WDFY3: variants seen among roughly 807,000 people sequenced by gnomAD.
WDFY3 encodes the protein WD repeat and FYVE domain-containing protein 3.
WDFY3 carries 66 observed loss-of-function variants against 409.6 expected under a neutral mutation model. The ratio of observed to expected loss-of-function variants is 0.16; its 90% CI spans 0.13 to 0.20. The LOEUF is 0.20. Among genes scored for constraint, WDFY3 ranks in the 10% least tolerant of loss-of-function variants. The probability of loss-of-function intolerance (pLI) is 1.00; values close to 1 mark genes in which losing one functional copy is unlikely to be tolerated. For synonymous variants in WDFY3, 1,521 were observed against 1,537.1 expected (o/e 0.99, Z 0.25); for missense variants, 3,031 against 4,298.1 (o/e 0.71, Z 8.24).
At chr4:84,787,783 A>G in intron 22 of WDFY3, 70 bp from the exon 23 acceptor site, 1 of 1,307,200 alleles carries the variant, frequency 7.6e-7, no homozygotes, top group Non-Finnish European at 1.1e-6. Flanking sequence ...ACTTCAGCAT[A>G]TGTATTTTCA....
At chr4:84,723,289 G>A (rs1337230966) in intron 46 of WDFY3, among the ~76,000 whole-genome samples, 2 of 152,140 alleles carry the variant, frequency 1.3e-5, no homozygotes, top group Non-Finnish European at 2.9e-5. Flanking sequence ...TGAGAGAACA[G>A]GTATGTCATA....
At chr4:84,726,049 T>C (rs777539887) in intron 45 of WDFY3, among the ~76,000 whole-genome samples, 25 of 152,152 alleles carry the variant, frequency 1.6e-4, no homozygotes, top group Non-Finnish European at 3.2e-4. Context: ...ACAAGAACAC[T>C]GCACTATTTT....
At chr4:84,746,194 G>T (rs1333289560) in intron 36 of WDFY3, among the ~76,000 whole-genome samples, 1 of 151,330 alleles carries the variant, frequency 6.6e-6, no homozygotes, top group Admixed American at 6.6e-5. Context: ...GTGTGTGCCG[G>T]TAGTCATAGC....
At position 84,671,113 on chromosome 4, in the gene WDFY3, G is replaced by A. The variant is rs1725379733; in HGVS notation, c.*1755C>T. Reference sequence around the variant, plus strand: ...TAAAGCAGCCTTTCTATTTTCTCTTGGAGACCTAGTTATCATATCAGGAAG... The same window carrying A: ...TAAAGCAGCCTTTCTATTTTCTCTTAGAGACCTAGTTATCATATCAGGAAG... On this transcript the variant is annotated 3_prime_UTR_variant, in exon 68 of 68. Transcript: ENST00000295888. The A allele has an allele frequency of 6.6e-6, 1 of 152,526 alleles. No homozygotes were observed. Among genetic ancestry groups the A allele is most frequent in the Non-Finnish European group, 1.5e-5 (1 of 68,026 alleles). 9.4% of individuals were successfully genotyped at this position (152,526 alleles called of 1,614,324 possible).
intron 10 of WDFY3, among the ~76,000 whole-genome samples, chr4:84,825,096 T>C (rs537559312): frequency 2.3e-4 from 35 of 152,266 alleles, no homozygotes; most frequent in South Asian, 8.3e-4. Flanking sequence ...GTTATATAAT[T>C]ATTATCCCTG....
chr4:84,775,264 T>C, intron 27 of WDFY3, 126 bp from the exon 28 acceptor site: 1 of 816,754 alleles, frequency 1.2e-6, no homozygotes, highest in Non-Finnish European at 1.9e-6. Flanking sequence ...TAAAGTTCTA[T>C]AAAACCACTT....
intron 51 of WDFY3, among the ~76,000 whole-genome samples, chr4:84,710,327 C>T (rs918105088): frequency 1.3e-5 from 2 of 152,120 alleles, no homozygotes; most frequent in Non-Finnish European, 2.9e-5. Flanking sequence ...TATTGTATAA[C>T]AGGAAAGTCA....
intron 2 of WDFY3, among the ~76,000 whole-genome samples, chr4:84,904,251 T>C: frequency 6.7e-6 from 1 of 149,910 alleles, no homozygotes; most frequent in South Asian, 2.1e-4. Context: ...CATTCATTCA[T>C]TTATTTGAGA....
At chr4:84,965,432 T>C (rs1284426125) in intron 1 of WDFY3, among the ~76,000 whole-genome samples, 1 of 152,210 alleles carries the variant, frequency 6.6e-6, no homozygotes, top group Non-Finnish European at 1.5e-5. Context: ...TCAATCTGGT[T>C]GTATCACATT....
intron 38 of WDFY3, 83 bp downstream of exon 38, chr4:84,741,678 G>T: frequency 7.4e-7 from 1 of 1,354,794 alleles, no homozygotes; most frequent in Non-Finnish European, 1.0e-6. Flanking sequence ...TATCTTATTA[G>T]TTATATTTAA....
rs1740938678 is a variant in WDFY3, at chr4:84,753,761, G to A, written c.5675C>T (p.Pro1892Leu). The change falls in exon 35 of 68, where the codon CCT becomes CTT. Residue 1892 changes from proline to leucine, a missense_variant. Pro to Leu is a moderately conservative substitution (Grantham distance 98). Transcript: ENST00000295888. ...VPDLASMWMS[P>L]DFLCALAATV... ...GGCTGCTAATGCACACAGGAAGTCAGGGCTCATCCACATGGAGGCAAGGTC... is the reference window on the plus strand; with the variant it reads ...GGCTGCTAATGCACACAGGAAGTCAAGGCTCATCCACATGGAGGCAAGGTC... 2 of 1,612,358 alleles carry A rather than the reference G, an allele frequency of 1.2e-6. No individual in the cohort carries two copies. The highest frequency in any genetic ancestry group is 4.5e-5 in the East Asian group (2 of 44,692).
intron 3 of WDFY3, among the ~76,000 whole-genome samples, chr4:84,876,838 G>A (rs1209880830): frequency 2.6e-5 from 4 of 152,030 alleles, no homozygotes; most frequent in Non-Finnish European, 4.4e-5. Flanking sequence ...TACAATTTAC[G>A]TATCCTAGTT....
chr4:84,848,737 G>C (rs769716229), intron 5 of WDFY3, among the ~76,000 whole-genome samples: 4 of 152,200 alleles, frequency 2.6e-5, no homozygotes, highest in Non-Finnish European at 5.9e-5. Flanking sequence ...GGAGGAGACA[G>C]AAGTATCTCT....
intron 22 of WDFY3, 34 bp from the exon 23 acceptor site, chr4:84,787,747 T>C: frequency 6.5e-7 from 1 of 1,547,256 alleles, no homozygotes; most frequent in Non-Finnish European, 8.9e-7. Flanking sequence ...GTGTGAGATG[T>C]GAACACTTTC....
At chr4:84,926,497 A>G (rs990453460) in intron 2 of WDFY3, among the ~76,000 whole-genome samples, 2 of 152,180 alleles carry the variant, frequency 1.3e-5, no homozygotes, top group African/African-American at 2.4e-5. Flanking sequence ...TAAACTTCAC[A>G]TCAAGTATCT....
intron 3 of WDFY3, among the ~76,000 whole-genome samples, chr4:84,885,851 T>A (rs1462737548): frequency 6.6e-6 from 1 of 152,204 alleles, no homozygotes; most frequent in Non-Finnish European, 1.5e-5. Flanking sequence ...TCGTTTGGAA[T>A]CTTGCATTCC....
rs1350272978 is a variant in WDFY3 at position 84,755,364 on chromosome 4, C to G, written c.5461G>C (p.Val1821Leu). Residue 1821 changes from valine to leucine, a missense_variant, in exon 34 of 68, where the codon GTT (valine) becomes CTT (leucine). Transcript: ENST00000295888. ...LDSIWTFIFG[V>L]PASSGTVVSS... is the part of the protein sequence containing the mutation. ...ACCACAGTTCCGCTGGAGGCAGGAA[C>G]TCCAAAGATGAATGTCCAAATGGAA... 8.1e-6 allele frequency: 13 copies of G among 1,611,128 alleles called. No homozygotes were observed. Among genetic ancestry groups the G allele is most frequent in the Non-Finnish European group, 1.1e-5 (13 of 1,179,364 alleles).
intron 8 of WDFY3, among the ~76,000 whole-genome samples, chr4:84,829,846 TAAA>T (rs1409596810): frequency 6.6e-6 from 1 of 150,386 alleles, no homozygotes; most frequent in Non-Finnish European, 1.5e-5. Context: ...AATAAATAAA[TAAA>T]TTAGAGAGAC....
intron 34 of WDFY3, among the ~76,000 whole-genome samples, chr4:84,754,240 A>G (rs1166716660): frequency 6.6e-6 from 1 of 152,154 alleles, no homozygotes; most frequent in Non-Finnish European, 1.5e-5. Context: ...CTAAGTTAGG[A>G]GTAAGATAAA....
Sources: gnomAD v4.1 joint callset for allele counts (sites outside exome capture counted in the v4.1 genomes callset) on GRCh38, gnomAD v4.1.1 for gene constraint, MANE v1.5 for transcripts, NCBI Gene and HGNC (gene_info 2026-07-23, HGNC 2026-07-21) for gene names.